The following USP37 variants were observed in gnomAD, a reference collection of about 807,000 sequenced individuals.
The protein encoded by USP37 is ubiquitin carboxyl-terminal hydrolase 37.
In USP37, 27 loss-of-function variants were observed where a neutral mutation model predicts 124.0. That is an observed-to-expected ratio of 0.22 (90% CI 0.16 to 0.30). The LOEUF is 0.30. Ranked by LOEUF, USP37 falls within the 10% of genes least tolerant of loss-of-function variation. The probability of loss-of-function intolerance (pLI) is 1.00; values close to 1 mark genes in which losing one functional copy is unlikely to be tolerated. For synonymous variants in USP37, 365 were observed against 388.0 expected (o/e 0.94, Z 0.70); for missense variants, 889 against 1,140.4 (o/e 0.78, Z 3.17).
intron 8 of USP37, among the ~76,000 whole-genome samples, chr2:218,537,018 A>G (rs1691687602): frequency 6.6e-6 from 1 of 152,214 alleles, no homozygotes; most frequent in African/African-American, 2.4e-5. Context: ...GGGGTAATGG[A>G]AATGTTCTGA....
intron 15 of USP37, among the ~76,000 whole-genome samples, chr2:218,486,762 G>A (rs200339855): frequency 6.6e-6 from 1 of 151,926 alleles, no homozygotes; most frequent in Non-Finnish European, 1.5e-5. Flanking sequence ...GTCTTGCTCT[G>A]TCGCCCAGGC....
chr2:218,457,003 C>G (rs1416688293), intron 24 of USP37, 89 bp downstream of exon 24: 10 of 1,296,886 alleles, frequency 7.7e-6, no homozygotes, highest in Non-Finnish European at 1.1e-5. Flanking sequence ...GAAAAACACA[C>G]TTCACAAAGC....
intron 6 of USP37, 92 bp from the exon 7 acceptor site, chr2:218,547,183 C>T (rs1161539164): frequency 7.3e-7 from 1 of 1,376,750 alleles, no homozygotes; most frequent in African/African-American, 1.5e-5. Flanking sequence ...TTAAAAAATA[C>T]AAATGGAGCC....
chr2:218,522,956 T>C (rs1480138865), intron 10 of USP37, among the ~76,000 whole-genome samples: 1 of 152,090 alleles, frequency 6.6e-6, no homozygotes, highest in Non-Finnish European at 1.5e-5. Flanking sequence ...CTGGCCAACA[T>C]GGTGAAACCC....
At position 218,454,719 on chromosome 2, in the gene USP37, AG is replaced by A; in HGVS notation, c.*210del. 1 of 921,784 alleles carries A rather than the reference AG, an allele frequency of 1.1e-6. No homozygotes were observed. The highest frequency in any genetic ancestry group is 1.5e-6 in the Non-Finnish European group (1 of 649,930). The allele number at this position is 921,784 out of a possible 1,614,324, so 57.1% of individuals were successfully genotyped here. ...GAAGTGCCACTCATAGGAGAAAAAG[AG>A]GATAATCAGCTACGGATGTGAGACC... is the stretch of plus-strand genomic sequence containing the variant. On this transcript the variant is annotated 3_prime_UTR_variant, in exon 26 of 26. Transcript: ENST00000258399.
At chr2:218,462,276 A>C (rs1267509648) in intron 22 of USP37, among the ~76,000 whole-genome samples, 2 of 152,194 alleles carry the variant, frequency 1.3e-5, no homozygotes, top group East Asian at 3.8e-4. Context: ...CAGAGGTTGC[A>C]GTGAGCAGAG....
chr2:218,483,916 G>C (rs945219690), intron 16 of USP37, among the ~76,000 whole-genome samples: 1 of 152,060 alleles, frequency 6.6e-6, no homozygotes, highest in Non-Finnish European at 1.5e-5. Flanking sequence ...TTATACACTT[G>C]AGGAGGCCGA....
chr2:218,557,930 C>CAAAAAAAAACAAAAAAAAAAAA (rs1693105943), intron 4 of USP37, among the ~76,000 whole-genome samples: 1 of 35,668 alleles, frequency 2.8e-5, no homozygotes, highest in Non-Finnish European at 5.3e-5. Context: ...GACTCTGTCT[C>CAAAAAAAAACAAAAAAAAAAAA]AAAAAAAAAA....
intron 8 of USP37, among the ~76,000 whole-genome samples, chr2:218,541,126 T>A (rs1178436222): frequency 1.3e-5 from 2 of 152,184 alleles, no homozygotes; most frequent in Admixed American, 1.3e-4. Context: ...CATTTGCCAT[T>A]ATTTTTCAAT....
chr2:218,504,037 A>C (rs556029582), intron 11 of USP37, among the ~76,000 whole-genome samples: 1 of 152,366 alleles, frequency 6.6e-6, no homozygotes, highest in Admixed American at 6.5e-5. Context: ...AGGGATAAAA[A>C]GGGGCATTTC....
chr2:218,506,286 CTTTTTTTT>C (rs60620765), intron 11 of USP37, among the ~76,000 whole-genome samples: 1 of 72,618 alleles, frequency 1.4e-5, no homozygotes, highest in Non-Finnish European at 2.4e-5. Context: ...TTCTTTCTGG[CTTTTTTTT>C]TTTTTTTTTT....
intron 8 of USP37, among the ~76,000 whole-genome samples, chr2:218,544,134 C>T (rs1692162193): frequency 6.6e-6 from 1 of 151,842 alleles, no homozygotes; most frequent in African/African-American, 2.4e-5. Context: ...AATCCCAGCA[C>T]TTTGGGAGGT....
chr2:218,531,769 G>A (rs1691340105), intron 9 of USP37, among the ~76,000 whole-genome samples: 1 of 152,170 alleles, frequency 6.6e-6, no homozygotes, highest in Admixed American at 6.5e-5. Context: ...CAACCTTCAC[G>A]GATAACCTTG....
chr2:218,546,286 C>T lies in USP37; in HGVS notation c.615G>A (p.Arg205=), dbSNP rs745693383. 29 of 1,612,198 alleles carry T rather than the reference C, an allele frequency of 1.8e-5. 1 individual carries two copies. The South Asian group carries it at 3.0e-4, about 16-fold the overall frequency. ...CTGAGCCAGTTGATATCATTCTTTT[C>T]CTCTTTTCAGTACTACAGAGAACAA... is the stretch of plus-strand genomic sequence containing the variant. ...SGLLENRTEK[R]KRMISTGSEL... The change falls in exon 8 of 26, where the codon AGG becomes AGA. Residue 205 remains arginine, a synonymous_variant. Transcript: ENST00000258399.
intron 9 of USP37, among the ~76,000 whole-genome samples, chr2:218,532,189 C>T (rs1691365233): frequency 6.6e-6 from 1 of 152,038 alleles, no homozygotes; most frequent in Admixed American, 6.6e-5. Flanking sequence ...TTGCCTTGGC[C>T]GGGTGCAGTG....
chr2:218,471,487 C>A (rs900754636), intron 20 of USP37, among the ~76,000 whole-genome samples: 3 of 152,188 alleles, frequency 2.0e-5, no homozygotes, highest in African/African-American at 7.2e-5. Flanking sequence ...TATAGCCTCA[C>A]AAACTGATGA....
intron 11 of USP37, among the ~76,000 whole-genome samples, chr2:218,506,551 C>A (rs1379014235): frequency 6.6e-6 from 1 of 150,844 alleles, no homozygotes; most frequent in African/African-American, 2.4e-5. Context: ...TCCCAAAGTG[C>A]TGGGATTACA....
At chr2:218,538,966 T>C (rs1691815035) in intron 8 of USP37, among the ~76,000 whole-genome samples, 1 of 151,660 alleles carries the variant, frequency 6.6e-6, no homozygotes, top group African/African-American at 2.4e-5. Context: ...TTAATGCTAC[T>C]TTATTTTATT....
At chr2:218,543,451 G>A (rs1479514646) in intron 8 of USP37, among the ~76,000 whole-genome samples, 4 of 137,414 alleles carry the variant, frequency 2.9e-5, no homozygotes, top group South Asian at 4.7e-4. Flanking sequence ...GCAGTGAGTC[G>A]AGATGGCACC....
Sources: gnomAD v4.1 joint callset for allele counts (sites outside exome capture counted in the v4.1 genomes callset) on GRCh38, gnomAD v4.1.1 for gene constraint, MANE v1.5 for transcripts, NCBI Gene and HGNC (gene_info 2026-07-23, HGNC 2026-07-21) for gene names.